LPAR6: variants seen among roughly 807,000 people sequenced by gnomAD.
The protein encoded by LPAR6 is lysophosphatidic acid receptor 6, also known as G-protein coupled purinergic receptor P2Y5.
A neutral mutation model predicts 22.0 loss-of-function variants in LPAR6; 17 were observed. The ratio of observed to expected loss-of-function variants is 0.77; its 90% CI spans 0.53 to 1.16. The LOEUF is 1.16. Ranked by LOEUF, LPAR6 falls within the 50% of genes most tolerant of loss-of-function variation. The pLI, the probability that LPAR6 is intolerant of heterozygous loss-of-function variation, is 0.00. For missense variants in LPAR6, 384 were observed against 406.9 expected, an observed-to-expected ratio of 0.94 and a Z score of 0.48; for synonymous variants, 136 against 139.8, an observed-to-expected ratio of 0.97 and a Z score of 0.19.
Position 48,411,718 on chromosome 13 carries a change from TCAAATGTA to T in LPAR6, c.698_705del (p.Val233AspfsTer27). ...GGAACAAAACAGAAACAGAATATGATCAAATGTACAAAAATCATTTTTAAAACCTTAGT... is the reference window on the plus strand; with the variant it reads ...GGAACAAAACAGAAACAGAATATGATCAAAAATCATTTTTAAAACCTTAGT... On this transcript the variant is annotated frameshift_variant, in exon 1 of 1. Coordinates refer to ENST00000620633, the MANE Select transcript of LPAR6 (RefSeq NM_001162498.3). LOFTEE classifies it high-confidence loss of function. 6.2e-7 allele frequency: 1 copy of T among 1,605,616 alleles called. No individual in the cohort carries two copies.
downstream of LPAR6, chr13:48,411,103 C>T (rs1948791236): frequency 9.1e-6 from 2 of 220,348 alleles, no homozygotes; most frequent in East Asian, 9.5e-5. Context: ...AGATTGGCAC[C>T]ACATAATTTA....
chr13:48,424,397 T>C (rs1029491533), intron 1 of LPAR6, among the ~76,000 whole-genome samples: 1 of 152,074 alleles, frequency 6.6e-6, no homozygotes, highest in African/African-American at 2.4e-5. Context: ...TTTTATAGAG[T>C]TGGATGGGAG....
intron 1 of LPAR6, among the ~76,000 whole-genome samples, chr13:48,393,436 C>T (rs1948625670): frequency 6.6e-6 from 1 of 152,176 alleles, no homozygotes; most frequent in Admixed American, 6.5e-5. Context: ...TGAGGCTCAC[C>T]ATTTGTTTTC....
intron 1 of LPAR6, among the ~76,000 whole-genome samples, chr13:48,442,390 T>A (rs544749910): frequency 9.9e-5 from 15 of 152,160 alleles, no homozygotes; most frequent in Non-Finnish European, 1.8e-4. Context: ...TTTGTAGAGA[T>A]GGGGTTTCAC....
chr13:48,404,599 T>C (rs951334095), intron 1 of LPAR6, among the ~76,000 whole-genome samples: 11 of 152,046 alleles, frequency 7.2e-5, no homozygotes, highest in Non-Finnish European at 1.5e-4. Flanking sequence ...TGATCTCCGC[T>C]CACTGCAACC....
chr13:48,406,699 A>G (rs947084072), downstream of LPAR6: 1 of 152,182 alleles, frequency 6.6e-6, no homozygotes, highest in African/African-American at 2.4e-5. Flanking sequence ...TCTCTCCCAC[A>G]GGGCCTTTGC....
At chr13:48,441,241 C>T (rs188296887) in intron 1 of LPAR6, among the ~76,000 whole-genome samples, 1 of 152,292 alleles carries the variant, frequency 6.6e-6, no homozygotes, top group Admixed American at 6.5e-5. Context: ...AGGGACAAGG[C>T]AGCTCTCTGG....
intron 2 of LPAR6, among the ~76,000 whole-genome samples, chr13:48,421,868 A>G (rs2138245031): frequency 6.6e-6 from 1 of 152,340 alleles, no homozygotes; most frequent in East Asian, 1.9e-4. Flanking sequence ...TCAGGAAACA[A>G]CAGATGCTGG....
At chr13:48,439,784 G>A (rs1949218513) in intron 1 of LPAR6, 1 of 151,988 alleles carries the variant, frequency 6.6e-6, no homozygotes, top group East Asian at 1.9e-4. Context: ...TAGGCTTTGG[G>A]GAAGGTTTGA....
upstream of LPAR6, among the ~76,000 whole-genome samples, chr13:48,418,100 T>C (rs1948944309): frequency 6.6e-6 from 1 of 151,864 alleles, no homozygotes; most frequent in Admixed American, 6.6e-5. Flanking sequence ...AAGGTTGAAA[T>C]GAAGGAAAAA....
intron 1 of LPAR6, among the ~76,000 whole-genome samples, chr13:48,394,461 G>A (rs540888202): frequency 8.2e-4 from 125 of 152,284 alleles, no homozygotes; most frequent in Admixed American, 3.9e-3. Context: ...CTACCTCAGC[G>A]GATCCCACCC....
At chr13:48,404,640 C>A (rs1463550020) in intron 1 of LPAR6, among the ~76,000 whole-genome samples, 1 of 151,990 alleles carries the variant, frequency 6.6e-6, no homozygotes, top group Non-Finnish European at 1.5e-5. Flanking sequence ...GATTCTCCTG[C>A]CTTAGCCTCC....
chr13:48,397,389 A>T (rs1948657001), intron 1 of LPAR6, among the ~76,000 whole-genome samples: 1 of 152,162 alleles, frequency 6.6e-6, no homozygotes, highest in Non-Finnish European at 1.5e-5. Flanking sequence ...CAAACTAACC[A>T]GGAAGAGAAA....
At chr13:48,439,773 A>G (rs572731912) in intron 1 of LPAR6, 1 of 152,260 alleles carries the variant, frequency 6.6e-6, no homozygotes, top group East Asian at 1.9e-4. Context: ...GTTCCAGAAA[A>G]TAGGCTTTGG....
chr13:48,394,242 A>G (rs930520645), intron 1 of LPAR6, among the ~76,000 whole-genome samples: 1 of 152,218 alleles, frequency 6.6e-6, no homozygotes, highest in African/African-American at 2.4e-5. Flanking sequence ...CTTTTCCCAC[A>G]GTCTTCGCAA....
intron 1 of LPAR6, among the ~76,000 whole-genome samples, chr13:48,440,751 A>G (rs888317129): frequency 6.6e-6 from 1 of 152,216 alleles, no homozygotes; most frequent in Non-Finnish European, 1.5e-5. Context: ...GACATCTCTT[A>G]TACTTGCTTA....
intron 1 of LPAR6, among the ~76,000 whole-genome samples, chr13:48,394,758 A>G (rs903329608): frequency 2.0e-5 from 3 of 152,208 alleles, no homozygotes; most frequent in Non-Finnish European, 4.4e-5. Context: ...AGGGGCCTAT[A>G]GATAAAACTC....
downstream of LPAR6, among the ~76,000 whole-genome samples, chr13:48,409,240 C>T (rs1593477280): frequency 2.0e-5 from 3 of 150,722 alleles, no homozygotes. Flanking sequence ...CTTGGAACTC[C>T]TGGGCTGAAG....
intron 1 of LPAR6, among the ~76,000 whole-genome samples, chr13:48,440,663 C>G (rs1212200056): frequency 6.6e-6 from 1 of 151,988 alleles, no homozygotes; most frequent in Non-Finnish European, 1.5e-5. Context: ...TTGTTTTAAC[C>G]AAGAAGAACT....
Sources: gnomAD v4.1 joint callset for allele counts (sites outside exome capture counted in the v4.1 genomes callset) on GRCh38, gnomAD v4.1.1 for gene constraint, MANE v1.5 for transcripts, NCBI Gene and HGNC (gene_info 2026-07-23, HGNC 2026-07-21) for gene names.